DLG2: variants seen among roughly 807,000 people sequenced by gnomAD.
DLG2 encodes discs large MAGUK scaffold protein 2, also known as disks large homolog 2.
A neutral mutation model predicts 132.5 loss-of-function variants in DLG2; 45 were observed. The ratio of observed to expected loss-of-function variants is 0.34; its 90% confidence interval spans 0.27 to 0.44. The LOEUF is 0.44. DLG2 is among the 20% of genes least tolerant of loss of function. The pLI, the probability that DLG2 is intolerant of heterozygous loss-of-function variation, is 1.00. For missense variants in DLG2, 1,045 were observed against 1,196.9 expected (o/e 0.87, Z 1.87); for synonymous variants, 424 against 419.6 (o/e 1.01, Z -0.13).
chr11:84,273,323 A>G, intron 7 of DLG2: 1 of 1,400,906 alleles, frequency 7.1e-7, no homozygotes, highest in Non-Finnish European at 9.3e-7. Flanking sequence ...AAAAAAAAAA[A>G]AAAAAACCCT....
rs182084573 is a variant in DLG2 at position 83,892,509 on chromosome 11, A to G, written c.1497-18021T>C. Among the ~76,000 whole-genome samples the G allele has an allele frequency of 7.2e-4, 110 of 152,302 alleles. No individual in the cohort carries two copies. The Middle Eastern group carries it at 0.01, about 14-fold the overall frequency. On this transcript the variant is annotated intron_variant, in intron 15 of 27. Coordinates refer to ENST00000376104, the MANE Select transcript of DLG2 (RefSeq NM_001142699.3). ...TGTTTTGTCTTTGGATCTCAATGAA[A>G]ATCTTCCAAATGAAGCTTTTAATGA...
chr11:83,927,895 A>G (rs2374464), intron 15 of DLG2, among the ~76,000 whole-genome samples: 79,748 of 151,596 alleles, frequency 0.53, 23,602 homozygotes, highest in East Asian at 0.87. Flanking sequence ...ATTGAATGGC[A>G]GATATGAGGG....
At chr11:84,715,412 C>T (rs929652642) in intron 6 of DLG2, among the ~76,000 whole-genome samples, 1 of 152,022 alleles carries the variant, frequency 6.6e-6, no homozygotes, top group Admixed American at 6.6e-5. Context: ...AATCTACTCT[C>T]TTAGCAAATT....
At chr11:84,327,550 G>C (rs549642214) in intron 7 of DLG2, among the ~76,000 whole-genome samples, 1 of 151,904 alleles carries the variant, frequency 6.6e-6, no homozygotes, top group Non-Finnish European at 1.5e-5. Context: ...CTCTCTTGTT[G>C]CTTTTGATTT....
intron 6 of DLG2, among the ~76,000 whole-genome samples, chr11:84,653,633 G>A (rs2099684705): frequency 6.6e-6 from 1 of 152,162 alleles, no homozygotes. Flanking sequence ...TATCATGACA[G>A]AAGCAGACAC....
At chr11:84,424,953 T>C (rs930218807) in intron 7 of DLG2, among the ~76,000 whole-genome samples, 2 of 152,038 alleles carry the variant, frequency 1.3e-5, no homozygotes, top group Non-Finnish European at 2.9e-5. Context: ...AACTGGCATA[T>C]TGTTTACACT....
chr11:85,265,321 C>T (rs755363111), intron 4 of DLG2, among the ~76,000 whole-genome samples: 20 of 152,174 alleles, frequency 1.3e-4, no homozygotes, highest in Non-Finnish European at 2.4e-4. Flanking sequence ...CAATTAGATG[C>T]TTTACATATA....
At chr11:85,104,173 T>A (rs1463223689) in intron 6 of DLG2, among the ~76,000 whole-genome samples, 1 of 151,888 alleles carries the variant, frequency 6.6e-6, no homozygotes, top group South Asian at 2.1e-4. Flanking sequence ...AAGTTAAACA[T>A]AGAGTTAGCA....
intron 4 of DLG2, among the ~76,000 whole-genome samples, chr11:85,208,763 C>A (rs1356550205): frequency 6.6e-6 from 1 of 152,046 alleles, no homozygotes; most frequent in African/African-American, 2.4e-5. Context: ...ACCAGAGAAC[C>A]AGGGAGTCCT....
At chr11:83,693,866 C>G (rs961365463) in intron 18 of DLG2, 2 of 152,088 alleles carry the variant, frequency 1.3e-5, no homozygotes, top group Non-Finnish European at 2.9e-5. Context: ...GGTTTGTGAG[C>G]CCCTTCCCTC....
At chr11:85,439,527 T>C (rs1427503044) in intron 3 of DLG2, among the ~76,000 whole-genome samples, 2 of 151,860 alleles carry the variant, frequency 1.3e-5, no homozygotes, top group Non-Finnish European at 2.9e-5. Flanking sequence ...ACCCGGCTAA[T>C]TTTTTGTATT....
chr11:85,075,993 A>T (rs1457131540), intron 6 of DLG2, among the ~76,000 whole-genome samples: 1 of 151,948 alleles, frequency 6.6e-6, no homozygotes, highest in East Asian at 1.9e-4. Flanking sequence ...TTACTTAGCA[A>T]TTATATTTAG....
At chr11:84,021,727 T>C (rs2154077922) in intron 11 of DLG2, among the ~76,000 whole-genome samples, 1 of 152,172 alleles carries the variant, frequency 6.6e-6, no homozygotes. Flanking sequence ...ATTATTTCAC[T>C]TTTTTCTCAT....
chr11:84,818,022 A>C lies in DLG2; in HGVS notation c.358-283291T>G, dbSNP rs548974246. Among the ~76,000 whole-genome samples the C allele has an allele frequency of 2.6e-5, 4 of 152,124 alleles. No homozygotes were observed. In the South Asian group the frequency reaches 8.3e-4, roughly 32 times the overall value. On this transcript the variant is annotated intron_variant, in intron 6 of 27. Coordinates refer to ENST00000376104, the MANE Select transcript of DLG2 (RefSeq NM_001142699.3). ...CTGAGTACTAGCATATGCCAAACAG[A>C]TGATGAATATATGAAAAAATAAATA...
chr11:84,906,226 T>G (rs1231383798), intron 6 of DLG2, among the ~76,000 whole-genome samples: 1 of 136,418 alleles, frequency 7.3e-6, no homozygotes, highest in African/African-American at 2.6e-5. Context: ...TAAAAACAAG[T>G]TTTGGTTTTT....
intron 4 of DLG2, among the ~76,000 whole-genome samples, chr11:85,190,139 T>C (rs558626228): frequency 4.9e-4 from 74 of 152,226 alleles, no homozygotes; most frequent in African/African-American, 1.5e-3. Flanking sequence ...ATATGTGTAA[T>C]CAGTATAGAA....
At chr11:84,363,449 A>G (rs946906874) in intron 7 of DLG2, among the ~76,000 whole-genome samples, 3 of 151,466 alleles carry the variant, frequency 2.0e-5, no homozygotes, top group African/African-American at 7.3e-5. Context: ...ATTTTCTCCC[A>G]TTTTCTGGGT....
intron 9 of DLG2, among the ~76,000 whole-genome samples, chr11:84,104,559 C>A (rs956916979): frequency 6.6e-6 from 1 of 151,814 alleles, no homozygotes; most frequent in Non-Finnish European, 1.5e-5. Context: ...GCACATGAAC[C>A]CCCAGAATCT....
At chr11:84,252,567 G>T (rs550803552) in intron 7 of DLG2, among the ~76,000 whole-genome samples, 1 of 152,078 alleles carries the variant, frequency 6.6e-6, no homozygotes, top group South Asian at 2.1e-4. Flanking sequence ...TGTACGATTT[G>T]CAGTAATTCT....
Sources: allele counts gnomAD v4.1 joint callset (sites outside exome capture counted in the v4.1 genomes callset), GRCh38; gene constraint gnomAD v4.1.1; transcripts MANE v1.5; gene names NCBI Gene and HGNC (gene_info 2026-07-23, HGNC 2026-07-21).